C14orf132: variants seen among roughly 807,000 people sequenced by gnomAD.
C14orf132 encodes uncharacterized protein C14orf132.
A neutral mutation model predicts 5.8 loss-of-function variants in C14orf132; 6 were observed. The observed-to-expected ratio is 1.03, with a 90% CI of 0.57 to 2.04. The LOEUF (loss-of-function observed/expected upper bound fraction) is 2.04, where lower values mean the gene tolerates loss of function less well. Ranked by LOEUF, C14orf132 falls within the 30% of genes most tolerant of loss-of-function variation. The pLI, the probability that C14orf132 is intolerant of heterozygous loss-of-function variation, is 0.00. For synonymous variants in C14orf132, 51 were observed against 49.8 expected, an observed-to-expected ratio of 1.02 and a Z score of -0.10; for missense variants, 125 against 115.8, an observed-to-expected ratio of 1.08 and a Z score of -0.37.
At chr14:96,067,580 T>A (rs1049113765) in intron 1 of C14orf132, among the ~76,000 whole-genome samples, 1 of 151,554 alleles carries the variant, frequency 6.6e-6, no homozygotes, top group Non-Finnish European at 1.5e-5. Flanking sequence ...GCACCTATAA[T>A]CCCAGCTACT....
rs192158165 is a variant in C14orf132 at position 96,040,351 on chromosome 14, G to A, written c.27+824G>A. ...CCAGAGCTGGCTCCAGGGAAGGGCT[G>A]CGTTTGGCCTGGGAGAGTAAGTCCC... is the stretch of plus-strand genomic sequence containing the variant. On this transcript the variant is annotated intron_variant, in intron 1 of 1. Transcript: ENST00000555004. The A allele has an allele frequency of 1.9e-4, 74 of 398,624 alleles. 4 individuals carry two copies. The highest frequency in any genetic ancestry group is 1.2e-3 in the African/African-American group (57 of 48,740). 24.7% of individuals were successfully genotyped at this position (398,624 alleles called of 1,614,324 possible). A position where few individuals can be genotyped will look rare whatever the true frequency, so the allele number is the denominator to read the frequency against.
At position 96,068,963 on chromosome 14, in the gene C14orf132, C is replaced by G. The variant is rs1372938007; in HGVS notation, c.28-17548C>G. Among the ~76,000 whole-genome samples, 5 of 151,870 alleles carry G rather than the reference C, an allele frequency of 3.3e-5. No homozygotes were observed. In the East Asian group the frequency reaches 9.6e-4, roughly 29 times the overall value. On this transcript the variant is annotated intron_variant, in intron 1 of 1. Transcript: ENST00000555004. ...GGAAAAAGGAATTCTCCACTTTTATCTCCTGCCTGCCTGCTTCAGCTGAGA... is the reference window on the plus strand; with the variant it reads ...GGAAAAAGGAATTCTCCACTTTTATGTCCTGCCTGCCTGCTTCAGCTGAGA...
At chr14:96,085,981 C>T (rs1309454650) in intron 1 of C14orf132, among the ~76,000 whole-genome samples, 3 of 133,764 alleles carry the variant, frequency 2.2e-5, no homozygotes, top group African/African-American at 5.7e-5. Context: ...GTCTCTCTCT[C>T]TCTCTGTCAC....
intron 1 of C14orf132, among the ~76,000 whole-genome samples, chr14:96,042,790 C>T (rs1287428671): frequency 6.6e-6 from 1 of 152,186 alleles, no homozygotes. Flanking sequence ...GCCCTGGAGG[C>T]TCCCAGTTGC....
intron 1 of C14orf132, among the ~76,000 whole-genome samples, chr14:96,060,570 G>A (rs1662033878): frequency 6.6e-6 from 1 of 152,074 alleles, no homozygotes; most frequent in Admixed American, 6.5e-5. Context: ...GGGGACTCAG[G>A]GCTCAGCTCC....
chr14:96,074,872 T>TTC (rs1357444920), intron 1 of C14orf132, among the ~76,000 whole-genome samples: 4 of 152,126 alleles, frequency 2.6e-5, no homozygotes, highest in Non-Finnish European at 1.5e-5. Flanking sequence ...ATTTGTTTTC[T>TTC]TTTTCAAAAT....
At chr14:96,080,298 G>T (rs1887991146) in intron 1 of C14orf132, among the ~76,000 whole-genome samples, 1 of 152,148 alleles carries the variant, frequency 6.6e-6, no homozygotes, top group South Asian at 2.1e-4. Context: ...GAGCAGCACA[G>T]CCCACTGGGG....
At position 96,056,741 on chromosome 14, in the gene C14orf132, T is replaced by C. The variant is rs150581313; in HGVS notation, c.27+17214T>C. Among the ~76,000 whole-genome samples, 1,066 of 152,260 alleles carry C rather than the reference T, an allele frequency of 7.0e-3. 7 individuals carry two copies. The highest frequency in any genetic ancestry group is 0.024 in the African/African-American group (1,017 of 41,538). On this transcript the variant is annotated intron_variant, in intron 1 of 1. Coordinates refer to ENST00000555004, the MANE Select transcript of C14orf132 (RefSeq NM_001252507.3). ...TGAGTGGGTAGACCCTAAGATCTCT[T>C]ATTTCATGGGGAGATGGAAAAACTC...
intron 1 of C14orf132, among the ~76,000 whole-genome samples, chr14:96,077,508 G>T (rs1052691033): frequency 3.3e-5 from 5 of 152,172 alleles, no homozygotes; most frequent in African/African-American, 1.2e-4. Context: ...TGCACAGAGG[G>T]AAGACCATGT....
intron 1 of C14orf132, among the ~76,000 whole-genome samples, chr14:96,076,483 C>T (rs1887869713): frequency 1.3e-5 from 2 of 151,960 alleles, no homozygotes; most frequent in Non-Finnish European, 2.9e-5. Context: ...TTAATCTTCC[C>T]CTCTTCCTAA....
intron 1 of C14orf132, among the ~76,000 whole-genome samples, chr14:96,060,319 CTGGCTG>C (rs1887313487): frequency 6.6e-6 from 1 of 152,200 alleles, no homozygotes; most frequent in Non-Finnish European, 1.5e-5. Flanking sequence ...GGCCCCCACA[CTGGCTG>C]TGTGATCTTT....
chr14:96,077,562 G>A (rs1406878460), intron 1 of C14orf132, among the ~76,000 whole-genome samples: 1 of 152,128 alleles, frequency 6.6e-6, no homozygotes, highest in Non-Finnish European at 1.5e-5. Context: ...CAACGAGAGA[G>A]GCCTCAGAAG....
chr14:96,083,551 TGAGA>T (rs1175609643), intron 1 of C14orf132, among the ~76,000 whole-genome samples: 2 of 151,892 alleles, frequency 1.3e-5, no homozygotes, highest in African/African-American at 4.8e-5. Flanking sequence ...GGCTGGAAGA[TGAGA>T]GAGAGAGATT....
intron 1 of C14orf132, among the ~76,000 whole-genome samples, chr14:96,048,718 G>A (rs1264087512): frequency 1.3e-5 from 2 of 151,958 alleles, no homozygotes; most frequent in African/African-American, 4.8e-5. Flanking sequence ...TGGAGATGGG[G>A]TTTTACCATG....
rs144535761 is a variant in C14orf132 at position 96,050,499 on chromosome 14, C to A, written c.27+10972C>A. Among the ~76,000 whole-genome samples the A allele has an allele frequency of 3.3e-3, 509 of 152,098 alleles. 4 individuals are homozygous for A. Among genetic ancestry groups the A allele is most frequent in the Admixed American group, 7.7e-3 (118 of 15,270 alleles). On this transcript the variant is annotated intron_variant, in intron 1 of 1. Transcript: ENST00000555004. Reference sequence around the variant, plus strand: ...AATTTTTTGGGTGATTCTTTCCCTGCCTCAGGCAGTTTCTGTACAAACATG... The same window carrying A: ...AATTTTTTGGGTGATTCTTTCCCTGACTCAGGCAGTTTCTGTACAAACATG...
intron 1 of C14orf132, among the ~76,000 whole-genome samples, chr14:96,042,471 T>G (rs72702868): frequency 2.0e-3 from 310 of 152,330 alleles, no homozygotes; most frequent in Non-Finnish European, 3.4e-3. Flanking sequence ...CTTGTGTGAT[T>G]AACTAAGTCA....
chr14:96,066,666 C>T (rs1427849032), intron 1 of C14orf132, among the ~76,000 whole-genome samples: 3 of 152,026 alleles, frequency 2.0e-5, no homozygotes, highest in Admixed American at 2.0e-4. Context: ...TAGACTCAAC[C>T]CGTATCCTAC....
At chr14:96,056,183 G>A (rs1388942418) in intron 1 of C14orf132, among the ~76,000 whole-genome samples, 1 of 152,214 alleles carries the variant, frequency 6.6e-6, no homozygotes. Flanking sequence ...GAAAAAGCAA[G>A]ACAATTTGCA....
At chr14:96,076,826 C>T (rs930299913) in intron 1 of C14orf132, among the ~76,000 whole-genome samples, 17 of 152,166 alleles carry the variant, frequency 1.1e-4, no homozygotes, top group African/African-American at 3.4e-4. Flanking sequence ...TGCATCAATG[C>T]GTGCTGATAA....
Sources: allele counts gnomAD v4.1 joint callset (sites outside exome capture counted in the v4.1 genomes callset), GRCh38; gene constraint gnomAD v4.1.1; transcripts MANE v1.5; gene names NCBI Gene and HGNC (gene_info 2026-07-23, HGNC 2026-07-21).